Variants in TTLL5 observed in about 807,000 individuals in gnomAD.
TTLL5 encodes tubulin tyrosine ligase like 5, also known as tubulin polyglutamylase TTLL5.
TTLL5 carries 132 observed loss-of-function variants against 168.4 expected under a neutral mutation model. The observed-to-expected ratio is 0.78, with a 90% CI of 0.68 to 0.91. TTLL5 has a LOEUF of 0.91. Among genes scored for constraint, TTLL5 ranks in the 40% least tolerant of loss-of-function variants. The probability of loss-of-function intolerance (pLI) is 0.00; values close to 1 mark genes in which losing one functional copy is unlikely to be tolerated. For synonymous variants in TTLL5, 546 were observed against 558.6 expected, an observed-to-expected ratio of 0.98 and a Z score of 0.32; for missense variants, 1,545 against 1,581.5, an observed-to-expected ratio of 0.98 and a Z score of 0.39.
intron 30 of TTLL5, chr14:75,886,742 C>A: frequency 1.9e-6 from 3 of 1,597,822 alleles, no homozygotes; most frequent in Non-Finnish European, 2.5e-6. Context: ...TGTGGTATTT[C>A]TTCCAAGCAG....
Position 75,902,333 on chromosome 14 carries a change from C to T in TTLL5, c.3823+109C>T, listed in dbSNP as rs954936002. The T allele has an allele frequency of 4.1e-5, 46 of 1,116,718 alleles. No homozygotes were observed. The African/African-American group carries it at 6.1e-4, about 15-fold the overall frequency. 69.2% of individuals were successfully genotyped at this position (1,116,718 alleles called of 1,614,324 possible). On this transcript the variant is annotated intron_variant, in intron 31 of 31. Transcript: ENST00000298832. Reference sequence around the variant, plus strand: ...GAGAGCCCCAGTTCAAAGAATGAAACATCTAGCCTCTCAAAACATTGGCAA... The same window carrying T: ...GAGAGCCCCAGTTCAAAGAATGAAATATCTAGCCTCTCAAAACATTGGCAA...
At chr14:75,700,730 C>T (rs557910566) in intron 7 of TTLL5, among the ~76,000 whole-genome samples, 245 of 152,250 alleles carry the variant, frequency 1.6e-3, no homozygotes, top group African/African-American at 5.7e-3. Flanking sequence ...TTCACTCCTG[C>T]TCTAAAACTT....
chr14:75,770,726 T>C (rs1420763948), intron 20 of TTLL5, among the ~76,000 whole-genome samples: 1 of 152,200 alleles, frequency 6.6e-6, no homozygotes, highest in Non-Finnish European at 1.5e-5. Flanking sequence ...ATAGCTGCGT[T>C]CTTTAATGAT....
intron 28 of TTLL5, among the ~76,000 whole-genome samples, chr14:75,860,809 A>C (rs372909195): frequency 1.3e-5 from 2 of 152,014 alleles, no homozygotes. Context: ...TGGGTGTTTT[A>C]TCTTCAGTAA....
chr14:75,697,785 A>G (rs950682333), intron 6 of TTLL5, among the ~76,000 whole-genome samples: 4 of 152,164 alleles, frequency 2.6e-5, no homozygotes, highest in Admixed American at 6.5e-5. Flanking sequence ...CTTGCCTCTT[A>G]ATAGGTCCAA....
chr14:75,697,643 A>T (rs1430011013), intron 6 of TTLL5, among the ~76,000 whole-genome samples: 1 of 152,162 alleles, frequency 6.6e-6, no homozygotes, highest in Non-Finnish European at 1.5e-5. Flanking sequence ...TGGGAAAAGG[A>T]GCTGAGCCTA....
intron 26 of TTLL5, among the ~76,000 whole-genome samples, chr14:75,787,991 A>G (rs1379434414): frequency 1.3e-5 from 2 of 152,196 alleles, no homozygotes; most frequent in Non-Finnish European, 2.9e-5. Context: ...TTGAAGGGAA[A>G]TTTACTGGCT....
intron 2 of TTLL5, among the ~76,000 whole-genome samples, chr14:75,665,238 A>G (rs1883171075): frequency 6.6e-6 from 1 of 152,242 alleles, no homozygotes; most frequent in African/African-American, 2.4e-5. Context: ...ATTAAATAAT[A>G]AGATCATTTC....
intron 28 of TTLL5, among the ~76,000 whole-genome samples, chr14:75,839,977 A>G (rs1332080378): frequency 6.6e-6 from 1 of 152,244 alleles, no homozygotes. Context: ...CTCAACAGAT[A>G]TATGATTTGT....
chr14:75,903,458 T>C (rs1177323934), intron 31 of TTLL5, among the ~76,000 whole-genome samples: 2 of 151,814 alleles, frequency 1.3e-5, no homozygotes, highest in Non-Finnish European at 2.9e-5. Context: ...GAAAAGGTTG[T>C]GAGGTAGTAG....
At chr14:75,787,352 A>T (rs1398606242) in intron 26 of TTLL5, among the ~76,000 whole-genome samples, 2 of 152,202 alleles carry the variant, frequency 1.3e-5, no homozygotes, top group African/African-American at 4.8e-5. Context: ...GAAAGTTGGT[A>T]TGGTTGCATT....
intron 26 of TTLL5, among the ~76,000 whole-genome samples, chr14:75,784,113 C>T (rs541139223): frequency 3.2e-4 from 49 of 152,210 alleles, no homozygotes; most frequent in African/African-American, 9.2e-4. Flanking sequence ...CTTGTACATT[C>T]GACACCAGTA....
chr14:75,793,678 G>A (rs1442807558), intron 27 of TTLL5, among the ~76,000 whole-genome samples: 1 of 152,132 alleles, frequency 6.6e-6, no homozygotes, highest in Non-Finnish European at 1.5e-5. Flanking sequence ...TAAATAACAG[G>A]ATATTGTCCT....
intron 20 of TTLL5, among the ~76,000 whole-genome samples, chr14:75,770,349 C>G (rs905760165): frequency 6.6e-6 from 1 of 152,094 alleles, no homozygotes; most frequent in Non-Finnish European, 1.5e-5. Context: ...AGCCTGACTC[C>G]CTTGCCCTCC....
intron 28 of TTLL5, among the ~76,000 whole-genome samples, chr14:75,848,586 G>A (rs1824777613): frequency 6.6e-6 from 1 of 152,192 alleles, no homozygotes; most frequent in Non-Finnish European, 1.5e-5. Context: ...CTTTCTTAAA[G>A]GTCATTCTTT....
chr14:75,895,788 TA>T (rs1215619429), intron 30 of TTLL5, among the ~76,000 whole-genome samples: 3 of 152,020 alleles, frequency 2.0e-5, no homozygotes, highest in Non-Finnish European at 2.9e-5. Context: ...GTAAACTAAT[TA>T]AAATATAGAA....
chr14:75,884,590 C>A (rs1044861853), intron 30 of TTLL5, among the ~76,000 whole-genome samples: 1 of 152,198 alleles, frequency 6.6e-6, no homozygotes, highest in African/African-American at 2.4e-5. Flanking sequence ...GCGGAGATTT[C>A]TTCAGAATTT....
At chr14:75,715,676 T>C (rs924748266) in intron 9 of TTLL5, among the ~76,000 whole-genome samples, 2 of 152,206 alleles carry the variant, frequency 1.3e-5, no homozygotes, top group Admixed American at 6.5e-5. Flanking sequence ...TTTGTTTCAC[T>C]TTAATTTTTG....
rs1429769235 is a variant in TTLL5, at chr14:75,872,843, G to A, written c.3522+8981G>A. Among the ~76,000 whole-genome samples, 11 of 151,202 alleles carry A rather than the reference G, an allele frequency of 7.3e-5. 1 individual carries two copies. Among genetic ancestry groups the A allele is most frequent in the Non-Finnish European group, 1.5e-4 (10 of 67,842 alleles). On this transcript the variant is annotated intron_variant, in intron 29 of 31. Coordinates refer to ENST00000298832, the MANE Select transcript of TTLL5 (RefSeq NM_015072.5). ...GGAGAATCACTTGAACCCAGGAGGC[G>A]GAGGTTGCAGTGAGCCAAGATCGTG...
Sources: gnomAD v4.1 joint callset for allele counts (sites outside exome capture counted in the v4.1 genomes callset) on GRCh38, gnomAD v4.1.1 for gene constraint, MANE v1.5 for transcripts, NCBI Gene and HGNC (gene_info 2026-07-23, HGNC 2026-07-21) for gene names.